Variants in DCAF13 observed in about 807,000 individuals in gnomAD.
The protein encoded by DCAF13 is DDB1- and CUL4-associated factor 13.
A neutral mutation model predicts 59.0 loss-of-function variants in DCAF13; 38 were observed. The ratio of observed to expected loss-of-function variants is 0.64; its 90% CI spans 0.50 to 0.84. DCAF13 has a LOEUF of 0.84. Among genes scored for constraint, DCAF13 ranks in the 40% least tolerant of loss-of-function variants. The pLI is 0.00. For synonymous variants in DCAF13, 173 were observed against 175.0 expected, an observed-to-expected ratio of 0.99 and a Z score of 0.09; for missense variants, 469 against 558.4, an observed-to-expected ratio of 0.84 and a Z score of 1.61.
chr8:103,430,993 T>C (rs1816856403), intron 6 of DCAF13, among the ~76,000 whole-genome samples: 1 of 152,232 alleles, frequency 6.6e-6, no homozygotes, highest in East Asian at 1.9e-4. Context: ...TATTGCATCC[T>C]GTTACTTAAC....
At chr8:103,427,608 T>G (rs1031452828) in intron 5 of DCAF13, 2 of 243,620 alleles carry the variant, frequency 8.2e-6, no homozygotes, top group Non-Finnish European at 1.6e-5. Context: ...TTAATTTTTC[T>G]ACCTGCCTTG....
intron 8 of DCAF13, chr8:103,439,598 A>G (rs1291069910): frequency 6.6e-6 from 1 of 152,130 alleles, no homozygotes; most frequent in African/African-American, 2.4e-5. Flanking sequence ...CATGTTGGGC[A>G]GGCTGGTCTA....
intron 7 of DCAF13, among the ~76,000 whole-genome samples, chr8:103,435,373 G>A (rs1816919028): frequency 6.6e-6 from 1 of 151,802 alleles, no homozygotes; most frequent in Non-Finnish European, 1.5e-5. Context: ...TACTTTTTTT[G>A]AAATTTCCAC....
At chr8:103,440,400 A>C (rs990354488) in intron 9 of DCAF13, 129 bp downstream of exon 9, 1 of 753,742 alleles carries the variant, frequency 1.3e-6, no homozygotes, top group Non-Finnish European at 2.0e-6. Context: ...TGATAAAAAA[A>C]GCAATAAATG....
chr8:103,425,136 T>C (rs1414876485), intron 3 of DCAF13, among the ~76,000 whole-genome samples: 1 of 152,230 alleles, frequency 6.6e-6, no homozygotes, highest in East Asian at 1.9e-4. Flanking sequence ...GATAAAGATA[T>C]CTTTGTTAAT....
intron 7 of DCAF13, among the ~76,000 whole-genome samples, chr8:103,434,787 ATT>A (rs1816911698): frequency 6.6e-6 from 1 of 152,070 alleles, no homozygotes; most frequent in African/African-American, 2.4e-5. Context: ...TAGATTAAGA[ATT>A]TTTGAATCTT....
intron 3 of DCAF13, among the ~76,000 whole-genome samples, chr8:103,423,056 C>T (rs1394305562): frequency 1.3e-5 from 2 of 152,020 alleles, no homozygotes; most frequent in Non-Finnish European, 1.5e-5. Flanking sequence ...GCAAAGCATT[C>T]AGTTACTTTT....
chr8:103,428,379 C>T (rs1446455105), intron 5 of DCAF13: 2 of 152,202 alleles, frequency 1.3e-5, no homozygotes, highest in Non-Finnish European at 2.9e-5. Flanking sequence ...CTCTTGCGTA[C>T]ATATTGTCTG....
intron 7 of DCAF13, among the ~76,000 whole-genome samples, chr8:103,434,265 T>C (rs920064245): frequency 6.6e-6 from 1 of 152,138 alleles, no homozygotes; most frequent in African/African-American, 2.4e-5. Flanking sequence ...CTCTATATCA[T>C]AGTTTCAGCA....
At chr8:103,436,433 A>G (rs1330769227) in intron 8 of DCAF13, among the ~76,000 whole-genome samples, 1 of 152,162 alleles carries the variant, frequency 6.6e-6, no homozygotes, top group Non-Finnish European at 1.5e-5. Context: ...GGGAGATTTG[A>G]ATACTCAGCT....
At chr8:103,418,008 G>T (rs1460963727) in intron 1 of DCAF13, among the ~76,000 whole-genome samples, 3 of 151,652 alleles carry the variant, frequency 2.0e-5, no homozygotes. Context: ...GGTGCCTGTA[G>T]TCCCAGCTAC....
chr8:103,420,060 G>A (rs780519424), intron 1 of DCAF13, among the ~76,000 whole-genome samples: 2 of 150,668 alleles, frequency 1.3e-5, no homozygotes, highest in Non-Finnish European at 3.0e-5. Context: ...GGGTCTAATT[G>A]TTTTGCAAGA....
chr8:103,424,971 CT>C (rs1190821700), intron 3 of DCAF13, among the ~76,000 whole-genome samples: 1 of 152,082 alleles, frequency 6.6e-6, no homozygotes, highest in Non-Finnish European at 1.5e-5. Flanking sequence ...CATCGACATC[CT>C]CAACAAAAGA....
chr8:103,430,834 A>C, intron 6 of DCAF13, 145 bp downstream of exon 6: 2 of 510,788 alleles, frequency 3.9e-6, no homozygotes, highest in Non-Finnish European at 6.7e-6. Context: ...ACATGATGAT[A>C]GTCATGTTCT....
chr8:103,436,177 G>T (rs1000085552), intron 8 of DCAF13, among the ~76,000 whole-genome samples: 14 of 151,930 alleles, frequency 9.2e-5, no homozygotes, highest in Admixed American at 7.9e-4. Context: ...ATTTTTCTTT[G>T]TCCTGATTAT....
At chr8:103,418,836 ATATATATATATATATATATATATATATAT>A (rs1816665751) in intron 1 of DCAF13, among the ~76,000 whole-genome samples, 1 of 10,804 alleles carries the variant, frequency 9.3e-5, no homozygotes, top group Non-Finnish European at 1.6e-4. Context: ...ATATATATAT[ATATATATATATATATATATATATATATAT>A]ATTTTTTTTT....
chr8:103,431,152 C>A (rs1586131562), intron 6 of DCAF13, among the ~76,000 whole-genome samples: 1 of 152,160 alleles, frequency 6.6e-6, no homozygotes, highest in African/African-American at 2.4e-5. Flanking sequence ...ACTAGTTTGA[C>A]ATTTAGGCAA....
At chr8:103,440,359 T>C in intron 9 of DCAF13, 88 bp downstream of exon 9, 1 of 1,231,372 alleles carries the variant, frequency 8.1e-7, no homozygotes, top group Non-Finnish European at 1.1e-6. Context: ...TTTAGGTATT[T>C]TTGGGTATTT....
At chr8:103,420,154 A>G (rs748328766) in intron 1 of DCAF13, 110 bp from the exon 2 acceptor site, 9 of 962,436 alleles carry the variant, frequency 9.4e-6, no homozygotes, top group Non-Finnish European at 1.4e-5. Context: ...AGTGTTAGGC[A>G]TAGAACAATG....
Sources: gnomAD v4.1 joint callset for allele counts (sites outside exome capture counted in the v4.1 genomes callset) on GRCh38, gnomAD v4.1.1 for gene constraint, MANE v1.5 for transcripts, NCBI Gene and HGNC (gene_info 2026-07-23, HGNC 2026-07-21) for gene names.